The following TK1 variants were observed in gnomAD, a reference collection of about 807,000 sequenced individuals.
TK1 encodes thymidine kinase, cytosolic.
TK1 carries 13 observed loss-of-function variants against 22.4 expected under a neutral mutation model. The observed-to-expected ratio is 0.58, with a 90% CI of 0.38 to 0.92. The LOEUF is 0.92. Among genes scored for constraint, TK1 ranks in the 40% least tolerant of loss-of-function variants. The pLI is 0.00. For synonymous variants in TK1, 134 were observed against 125.4 expected, an observed-to-expected ratio of 1.07 and a Z score of -0.46; for missense variants, 251 against 315.7, an observed-to-expected ratio of 0.80 and a Z score of 1.55.
intron 3 of TK1, chr17:78,183,679 G>A (rs1394070324): frequency 1.3e-5 from 2 of 151,654 alleles, no homozygotes; most frequent in Non-Finnish European, 2.9e-5. Flanking sequence ...CTGGGTGACA[G>A]AGAGAGACCC....
chr17:78,185,011 T>A, intron 3 of TK1, 44 bp downstream of exon 3: 1 of 1,467,854 alleles, frequency 6.8e-7, no homozygotes, highest in Non-Finnish European at 9.5e-7. Context: ...GTCCTGTGCC[T>A]TGTGATTTTC....
rs754768542 is a variant in TK1, at chr17:78,175,159, G to A, written c.404C>T (p.Ala135Val). 1.2e-6 allele frequency: 2 copies of A among 1,606,830 alleles called. No homozygotes were observed. Among genetic ancestry groups the A allele is most frequent in the Non-Finnish European group, 1.7e-6 (2 of 1,179,254 alleles). ...DGTFQRKPFG[A>V]ILNLVPLAES... is the part of the protein sequence containing the mutation. ...GGCCAGCGGCACCAGGTTCAGGATG[G>A]CCCCAAATGGCTGCGCTCCCATGGA... The change falls in exon 6 of 7, where the codon GCC becomes GTC. Residue 135 changes from alanine (A) to valine (V), a missense_variant. Physicochemically the swap from Ala to Val is moderately conservative, Grantham distance 64 (BLOSUM62 0). Coordinates refer to ENST00000301634, the MANE Select transcript of TK1 (RefSeq NM_003258.5).
intron 4 of TK1, 59 bp from the exon 5 acceptor site, chr17:78,175,677 G>A (rs2075693921): frequency 6.7e-7 from 1 of 1,495,368 alleles, no homozygotes; most frequent in Admixed American, 1.8e-5. Flanking sequence ...CAGCTCCCTG[G>A]AGCCCCAGCG....
At chr17:78,183,746 G>A (rs939469362) in intron 3 of TK1, 20 of 152,318 alleles carry the variant, frequency 1.3e-4, no homozygotes, top group African/African-American at 3.1e-4. Flanking sequence ...CTATTGTTTC[G>A]TTATTACCTT....
At position 78,175,055 on chromosome 17, in the gene TK1, T is replaced by C. The variant is rs1284883397; in HGVS notation, c.508A>G (p.Lys170Glu). ...GGGAAGGCAGGTGGAGCTACCTCCT[T>C]CTCTGTGCCGAGCCTCTTGGTATAG... Reference protein sequence around the residue: ...AAYTKRLGTEKEVEVIGGADK... With the variant: ...AAYTKRLGTEEEVEVIGGADK... Residue 170 changes from lysine to glutamate, a missense_variant, in exon 6 of 7, where the codon AAG (lysine) becomes GAG (glutamate). Physicochemically the swap from Lys to Glu is moderately conservative, Grantham distance 56. Coordinates refer to ENST00000301634, the MANE Select transcript of TK1 (RefSeq NM_003258.5). The C allele has an allele frequency of 6.2e-7, 1 of 1,613,348 alleles. No homozygotes were observed. Among genetic ancestry groups the C allele is most frequent in the Non-Finnish European group, 8.5e-7 (1 of 1,179,720 alleles).
chr17:78,174,846 G>A lies in TK1; in HGVS notation c.618C>T (p.Cys206=). Residue 206 remains cysteine, a synonymous_variant, in exon 7 of 7, where the codon TGC becomes TGT. Transcript: ENST00000301634. ...QPAGPDNKEN[C]PVPGKPGEAV... is the part of the protein sequence containing the mutation. The stretch of plus-strand genomic sequence containing the variant: ...CTTCCCCTGGCTTTCCTGGCACTGG[G>A]CAGTTCTCTTTGTTGTCCGGCCCGG... 6.2e-7 allele frequency: 1 copy of A among 1,613,658 alleles called. No homozygotes were observed. Among genetic ancestry groups the A allele is most frequent in the African/African-American group, 1.3e-5 (1 of 75,058 alleles).
chr17:78,179,217 G>T (rs550464158), intron 4 of TK1: 49 of 985,294 alleles, frequency 5.0e-5, no homozygotes, highest in Non-Finnish European at 5.7e-5. Flanking sequence ...AAGCTTCCTT[G>T]TTCTGAGAGG....
intron 4 of TK1, among the ~76,000 whole-genome samples, chr17:78,178,497 G>A (rs545550035): frequency 2.0e-5 from 3 of 152,298 alleles, no homozygotes; most frequent in African/African-American, 4.8e-5. Flanking sequence ...CCAGAAAACG[G>A]GAACAAGGCA....
intron 3 of TK1, 27 bp downstream of exon 3, chr17:78,185,028 A>T (rs1391149768): frequency 6.3e-7 from 1 of 1,581,836 alleles, no homozygotes; most frequent in Non-Finnish European, 8.7e-7. Context: ...TTTCCACTGG[A>T]CAGGACTGCA....
intron 4 of TK1, among the ~76,000 whole-genome samples, chr17:78,176,475 A>T (rs573319096): frequency 6.6e-6 from 1 of 152,256 alleles, no homozygotes; most frequent in Admixed American, 6.5e-5. Flanking sequence ...GTGAGGGCTT[A>T]GCAAGGTGAG....
intron 4 of TK1, among the ~76,000 whole-genome samples, chr17:78,181,608 CAAAA>C (rs1213632304): frequency 3.3e-5 from 5 of 151,466 alleles, no homozygotes; most frequent in African/African-American, 4.8e-5. Context: ...AACTAGATGA[CAAAA>C]GAAAGATTTC....
At chr17:78,175,731 T>C in intron 4 of TK1, 113 bp from the exon 5 acceptor site, 1 of 907,438 alleles carries the variant, frequency 1.1e-6, no homozygotes, top group Non-Finnish European at 1.7e-6. Flanking sequence ...TGGCCCGGAG[T>C]AACTCTTAAT....
In TK1 at chr17:78,175,110, C is replaced by T. The variant is rs148803366; in HGVS notation, c.453G>A (p.Ala151=). 6.5e-5 allele frequency: 105 copies of T among 1,613,432 alleles called. No homozygotes were observed. The Admixed American group carries it at 7.7e-4, about 12-fold the overall frequency. Residue 151 remains alanine (A), a synonymous_variant, in exon 6 of 7, where the codon GCG becomes GCA. Coordinates refer to ENST00000301634, the MANE Select transcript of TK1 (RefSeq NM_003258.5). ...CTTCCCGGAAGCACTCCATGCACAC[C>T]GCCGTCAGCTTCACCACGCTCTCGG... ...PLAESVVKLT[A]VCMECFREAA... is the part of the protein sequence containing the mutation.
At chr17:78,180,653 C>T (rs1398244132) in intron 4 of TK1, among the ~76,000 whole-genome samples, 1 of 152,108 alleles carries the variant, frequency 6.6e-6, no homozygotes, top group African/African-American at 2.4e-5. Flanking sequence ...CAAAACGGAG[C>T]ATGATGAATT....
At chr17:78,176,626 C>G (rs1231567401) in intron 4 of TK1, among the ~76,000 whole-genome samples, 1 of 152,160 alleles carries the variant, frequency 6.6e-6, no homozygotes. Flanking sequence ...ACCATGCACT[C>G]GTTCCCTCTT....
At chr17:78,176,364 TGGGTGAAGCAG>T (rs2075699821) in intron 4 of TK1, among the ~76,000 whole-genome samples, 1 of 152,174 alleles carries the variant, frequency 6.6e-6, no homozygotes, top group Non-Finnish European at 1.5e-5. Context: ...GCCTTTGGGT[TGGGTGAAGCAG>T]GGATGTCCTT....
upstream of TK1, chr17:78,187,182 T>A (rs1012892364): frequency 4.5e-6 from 4 of 882,842 alleles, no homozygotes; most frequent in Non-Finnish European, 7.2e-6. Flanking sequence ...CGCCCCCTCG[T>A]GGGAGGAATC....
intron 2 of TK1, 48 bp downstream of exon 2, chr17:78,186,739 C>T (rs766774835): frequency 2.0e-5 from 30 of 1,537,314 alleles, no homozygotes; most frequent in East Asian, 7.7e-5. Flanking sequence ...GACAAGGGGT[C>T]CCCGGAGAAG....
chr17:78,176,501 C>G (rs764586292), intron 4 of TK1, among the ~76,000 whole-genome samples: 4 of 151,978 alleles, frequency 2.6e-5, no homozygotes, highest in Non-Finnish European at 4.4e-5. Context: ...AGGGGTGGCT[C>G]GAAAAATTCC....
Sources: allele counts gnomAD v4.1 joint callset (sites outside exome capture counted in the v4.1 genomes callset), GRCh38; gene constraint gnomAD v4.1.1; transcripts MANE v1.5; gene names NCBI Gene and HGNC (gene_info 2026-07-23, HGNC 2026-07-21).